ARHGAP20: variants seen among roughly 807,000 people sequenced by gnomAD.
ARHGAP20 encodes rho GTPase-activating protein 20.
In ARHGAP20, 34 loss-of-function variants were observed where a neutral mutation model predicts 73.7. That is an observed-to-expected ratio of 0.46 (90% CI 0.35 to 0.61). The LOEUF is 0.61. ARHGAP20 is among the 20% of genes least tolerant of loss of function. The pLI is 0.00. For synonymous variants in ARHGAP20, 523 were observed against 518.2 expected (o/e 1.01, Z -0.13); for missense variants, 1,314 against 1,420.9 (o/e 0.92, Z 1.21).
chr11:110,696,404 A>G (rs747732507), intron 1 of ARHGAP20, among the ~76,000 whole-genome samples: 1 of 151,638 alleles, frequency 6.6e-6, no homozygotes, highest in Non-Finnish European at 1.5e-5. Context: ...GTCCTTAGCC[A>G]TAAGTTATAA....
intron 3 of ARHGAP20, among the ~76,000 whole-genome samples, chr11:110,629,202 G>A (rs866541615): frequency 6.6e-6 from 1 of 152,236 alleles, no homozygotes; most frequent in Middle Eastern, 3.4e-3. Context: ...AATGAGTACT[G>A]TGTGCTAAAA....
Position 110,655,998 on chromosome 11 carries a change from G to C in ARHGAP20, c.189-25206C>G, listed in dbSNP as rs150212115. Among the ~76,000 whole-genome samples, 189 of 152,144 alleles carry C rather than the reference G, an allele frequency of 1.2e-3. 1 individual carries two copies. Among genetic ancestry groups the C allele is most frequent in the Non-Finnish European group, 2.3e-3 (155 of 67,988 alleles). Reference sequence around the variant, plus strand: ...ACTTTACCTTCTACTACCTTAATTTGTTTGTGTGTTTTGCTATCCACGTCC... The same window carrying C: ...ACTTTACCTTCTACTACCTTAATTTCTTTGTGTGTTTTGCTATCCACGTCC... On this transcript the variant is annotated intron_variant, in intron 2 of 14. Transcript: ENST00000683387.
chr11:110,583,315 C>T (rs1051715238), intron 13 of ARHGAP20, among the ~76,000 whole-genome samples: 2 of 152,088 alleles, frequency 1.3e-5, no homozygotes, highest in Non-Finnish European at 2.9e-5. Flanking sequence ...TGCTTTATCA[C>T]TTTATGGTTT....
At chr11:110,680,825 G>C (rs1048813464) in intron 2 of ARHGAP20, among the ~76,000 whole-genome samples, 6 of 152,082 alleles carry the variant, frequency 3.9e-5, no homozygotes, top group African/African-American at 1.4e-4. Context: ...ATGAAAAGTA[G>C]TTTGAAAAGA....
chr11:110,647,516 G>C (rs561120199), intron 2 of ARHGAP20, among the ~76,000 whole-genome samples: 22 of 152,218 alleles, frequency 1.4e-4, no homozygotes, highest in African/African-American at 5.3e-4. Flanking sequence ...CAGTGACCAA[G>C]AGAAGAACAA....
chr11:110,586,455 C>T (rs966436508), intron 11 of ARHGAP20, 130 bp from the exon 12 acceptor site: 24 of 429,466 alleles, frequency 5.6e-5, no homozygotes, highest in Middle Eastern at 6.3e-4. Context: ...CAGAGCTCTG[C>T]GCCAACTCTC....
chr11:110,600,305 C>A (rs554397446), intron 9 of ARHGAP20, among the ~76,000 whole-genome samples: 2 of 152,356 alleles, frequency 1.3e-5, no homozygotes, highest in African/African-American at 4.8e-5. Flanking sequence ...TGGATCCCTG[C>A]AGTTCCTGGC....
At chr11:110,705,680 C>A (rs1348162466) in intron 1 of ARHGAP20, among the ~76,000 whole-genome samples, 1 of 152,076 alleles carries the variant, frequency 6.6e-6, no homozygotes, top group East Asian at 1.9e-4. Flanking sequence ...ACTATGGACA[C>A]AAAGTTTTTT....
chr11:110,608,826 C>A (rs1209678018), intron 8 of ARHGAP20, among the ~76,000 whole-genome samples, 158 bp downstream of exon 8: 1 of 152,108 alleles, frequency 6.6e-6, no homozygotes, highest in Non-Finnish European at 1.5e-5. Flanking sequence ...ATTTGTCTAG[C>A]ACATAGTAAA....
Position 110,630,747 on chromosome 11 carries a change from T to C in ARHGAP20, c.234A>G (p.Ser78=). The part of the protein sequence containing the change: ...ASVDTCTFLS[S]LVCSNRTLLI... Reference sequence around the variant, plus strand: ...GCAGAGTCCTATTGGAGCACACTAATGATGACAGAAATGTGCATGTGTCAA... The same window carrying C: ...GCAGAGTCCTATTGGAGCACACTAACGATGACAGAAATGTGCATGTGTCAA... The change falls in exon 3 of 15, where the codon TCA becomes TCG. Residue 78 remains serine (S), a synonymous_variant. Transcript: ENST00000683387. 1 of 1,614,108 alleles carries C rather than the reference T, an allele frequency of 6.2e-7. No individual in the cohort carries two copies. The highest frequency in any genetic ancestry group is 8.5e-7 in the Non-Finnish European group (1 of 1,179,980).
At chr11:110,595,143 T>A (rs1947924019) in intron 9 of ARHGAP20, among the ~76,000 whole-genome samples, 1 of 151,678 alleles carries the variant, frequency 6.6e-6, no homozygotes, top group African/African-American at 2.4e-5. Context: ...GGGACGTATC[T>A]CAAAATAATA....
intron 2 of ARHGAP20, among the ~76,000 whole-genome samples, chr11:110,664,131 G>C (rs1591154731): frequency 2.0e-5 from 3 of 152,062 alleles, no homozygotes; most frequent in African/African-American, 7.2e-5. Context: ...AAAACAAAGA[G>C]GTCCACTAGA....
chr11:110,587,762 C>A (rs1947708753), intron 11 of ARHGAP20, among the ~76,000 whole-genome samples: 1 of 144,586 alleles, frequency 6.9e-6, no homozygotes, highest in African/African-American at 2.5e-5. Context: ...TTATTACTAT[C>A]CTTTTTTTTT....
In ARHGAP20 at chr11:110,679,259, C is replaced by T. The variant is rs560158744; in HGVS notation, c.188+11288G>A. 2.0e-5 allele frequency among the ~76,000 whole-genome samples: 3 copies of T among 152,300 alleles called. No homozygotes were observed. The East Asian group carries it at 5.8e-4, about 29-fold the overall frequency. On this transcript the variant is annotated intron_variant, in intron 2 of 14. Coordinates refer to ENST00000683387, the MANE Select transcript of ARHGAP20 (RefSeq NM_001384657.1). ...GACAGCAATCAAGAAGGAAACTCCA[C>T]CTTTTGTAACCTAATCTCGGAAGTG...
intron 6 of ARHGAP20, 110 bp downstream of exon 6, chr11:110,614,451 A>T: frequency 2.2e-6 from 2 of 901,088 alleles, no homozygotes; most frequent in Non-Finnish European, 3.5e-6. Flanking sequence ...TACCTTCCAT[A>T]GCACATACAC....
chr11:110,633,010 T>A (rs764368847), intron 2 of ARHGAP20, among the ~76,000 whole-genome samples: 3 of 152,216 alleles, frequency 2.0e-5, no homozygotes, highest in African/African-American at 7.2e-5. Context: ...TTTTTTCATA[T>A]GGTGTTTACT....
intron 2 of ARHGAP20, among the ~76,000 whole-genome samples, chr11:110,670,509 C>G (rs1314512141): frequency 1.3e-5 from 2 of 152,052 alleles, no homozygotes; most frequent in Non-Finnish European, 2.9e-5. Flanking sequence ...ATTACCCGAA[C>G]TGACTCAAGA....
At chr11:110,611,407 A>G (rs1355920451) in intron 6 of ARHGAP20, 21 bp from the exon 7 acceptor site, 1 of 1,237,858 alleles carries the variant, frequency 8.1e-7, no homozygotes, top group Non-Finnish European at 1.1e-6. Context: ...AAAATAAGAA[A>G]TATAGCTATA....
chr11:110,598,061 A>T (rs550910310), intron 9 of ARHGAP20, among the ~76,000 whole-genome samples: 2 of 152,368 alleles, frequency 1.3e-5, no homozygotes, highest in South Asian at 4.1e-4. Flanking sequence ...ATTGAATGTT[A>T]AAAATTACAG....
Sources: allele counts gnomAD v4.1 joint callset (sites outside exome capture counted in the v4.1 genomes callset), GRCh38; gene constraint gnomAD v4.1.1; transcripts MANE v1.5; gene names NCBI Gene and HGNC (gene_info 2026-07-23, HGNC 2026-07-21).